Variants in PCDHGB7 observed in about 807,000 individuals in gnomAD.
PCDHGB7 encodes the protein protocadherin gamma-B7.
PCDHGB7 carries 37 observed loss-of-function variants against 61.4 expected under a neutral mutation model. The ratio of observed to expected loss-of-function variants is 0.60; its 90% CI spans 0.46 to 0.79. PCDHGB7 has a LOEUF of 0.79. PCDHGB7 is among the 30% of genes least tolerant of loss of function. The pLI is 0.00. For synonymous variants in PCDHGB7, 464 were observed against 503.5 expected (o/e 0.92, Z 1.05); for missense variants, 1,166 against 1,202.5 (o/e 0.97, Z 0.45).
At chr5:141,440,431 A>G (rs1338519888) in intron 1 of PCDHGB7, 1 of 152,222 alleles carries the variant, frequency 6.6e-6, no homozygotes, top group Non-Finnish European at 1.5e-5. Flanking sequence ...TGGGTGACAG[A>G]GCAAGGCGCC....
chr5:141,454,669 AC>A (rs1292139052), intron 1 of PCDHGB7, among the ~76,000 whole-genome samples: 1 of 151,212 alleles, frequency 6.6e-6, no homozygotes, highest in African/African-American at 2.4e-5. Context: ...GCCTCCCAAA[AC>A]ACTGGGATTA....
At chr5:141,454,311 T>G (rs755771201) in intron 1 of PCDHGB7, among the ~76,000 whole-genome samples, 6 of 152,216 alleles carry the variant, frequency 3.9e-5, no homozygotes, top group Admixed American at 2.6e-4. Context: ...TTTCAAAGCA[T>G]TGAAACCTCC....
intron 1 of PCDHGB7, chr5:141,422,019 G>C: frequency 6.2e-7 from 1 of 1,610,862 alleles, no homozygotes; most frequent in Non-Finnish European, 8.5e-7. Context: ...GGGTGCTGAT[G>C]GTTAATGCAA....
intron 1 of PCDHGB7, among the ~76,000 whole-genome samples, chr5:141,462,829 G>T (rs770335372): frequency 4.6e-5 from 7 of 152,130 alleles, no homozygotes; most frequent in Non-Finnish European, 8.8e-5. Flanking sequence ...AGCAGACATT[G>T]TAAATGTTAT....
chr5:141,433,221 A>G, intron 1 of PCDHGB7: 1 of 1,475,672 alleles, frequency 6.8e-7, no homozygotes, highest in African/African-American at 1.4e-5. Context: ...TTTTTTTTTT[A>G]ATTGCTCTGT....
At chr5:141,501,329 ACACACC>A (rs1456568693) in intron 2 of PCDHGB7, among the ~76,000 whole-genome samples, 16 of 148,226 alleles carry the variant, frequency 1.1e-4, no homozygotes, top group Non-Finnish European at 2.2e-4. Context: ...ACACACACAC[ACACACC>A]CCAAACTCAA....
Position 141,487,125 on chromosome 5 carries a change from G to A in PCDHGB7, c.2416-7682G>A. 6.2e-7 allele frequency: 1 copy of A among 1,614,112 alleles called. No homozygotes were observed. The highest frequency in any genetic ancestry group is 8.5e-7 in the Non-Finnish European group (1 of 1,179,994). The stretch of plus-strand genomic sequence containing the variant: ...CTGGTCATTGTGGTAAAGGATAGTG[G>A]TAGTCCACCACTCTCTACCTCTGTT... On this transcript the variant is annotated intron_variant, in intron 1 of 3. Coordinates refer to ENST00000398594, the MANE Select transcript of PCDHGB7 (RefSeq NM_018927.4). This position sits in a 1 kb window ranked among gnomAD's most constrained non-coding sequence, Gnocchi z 5.0.
intron 2 of PCDHGB7, among the ~76,000 whole-genome samples, chr5:141,502,478 A>G (rs2099814452): frequency 6.6e-6 from 1 of 150,896 alleles, no homozygotes; most frequent in Non-Finnish European, 1.5e-5. Flanking sequence ...CCGCAGCATC[A>G]CACTGGGACT....
intron 1 of PCDHGB7, chr5:141,422,081 T>C: frequency 2.5e-6 from 4 of 1,612,346 alleles, no homozygotes; most frequent in Non-Finnish European, 3.4e-6. Context: ...TTTCGGAACA[T>C]GGAAAGCAAG....
intron 3 of PCDHGB7, chr5:141,508,275 T>G (rs1030431371): frequency 6.6e-6 from 1 of 152,138 alleles, no homozygotes. Context: ...ATCCCGGTCC[T>G]TGACCAAGGT....
intron 1 of PCDHGB7, among the ~76,000 whole-genome samples, chr5:141,434,221 G>T (rs760622311): frequency 6.6e-6 from 1 of 152,206 alleles, no homozygotes; most frequent in Admixed American, 6.5e-5. Flanking sequence ...TGTAAACAAA[G>T]TACGATTTCT....
chr5:141,479,813 T>G (rs543146395), intron 1 of PCDHGB7, among the ~76,000 whole-genome samples: 1 of 152,318 alleles, frequency 6.6e-6, no homozygotes, highest in South Asian at 2.1e-4. Flanking sequence ...TATGCAAGGA[T>G]ACTATCCAAG....
At chr5:141,456,149 G>A (rs377506220) in intron 1 of PCDHGB7, among the ~76,000 whole-genome samples, 1 of 151,866 alleles carries the variant, frequency 6.6e-6, no homozygotes, top group East Asian at 1.9e-4. Flanking sequence ...CGCCCGCCTC[G>A]GCCTCCTAAA....
At chr5:141,446,221 T>C (rs2098493855) in intron 1 of PCDHGB7, among the ~76,000 whole-genome samples, 1 of 152,164 alleles carries the variant, frequency 6.6e-6, no homozygotes, top group African/African-American at 2.4e-5. Flanking sequence ...AATATTGTTG[T>C]GTTGCCTGGC....
Position 141,420,275 on chromosome 5 carries a change from G to A in PCDHGB7, c.2415+1G>A. On this transcript the variant is annotated splice_donor_variant, in intron 1 of 3. Transcript: ENST00000398594. LOFTEE classifies it high-confidence loss of function. ...AGCAGATAAGAAGATTCTTAAACAG[G>A]TAAGTATTTAAAAATGTATTTAATC... 2 of 1,524,576 alleles carry A rather than the reference G, an allele frequency of 1.3e-6. No homozygotes were observed. The highest frequency in any genetic ancestry group is 1.8e-6 in the Non-Finnish European group (2 of 1,129,234). 94.4% of individuals were successfully genotyped at this position (1,524,576 alleles called of 1,614,324 possible).
chr5:141,491,795 C>G lies in PCDHGB7; in HGVS notation c.2416-3012C>G. The G allele has an allele frequency of 6.6e-7, 1 of 1,511,694 alleles. No individual in the cohort carries two copies. The highest frequency in any genetic ancestry group is 8.8e-7 in the Non-Finnish European group (1 of 1,130,430). The allele number at this position is 1,511,694 out of a possible 1,614,324, so 93.6% of individuals were successfully genotyped here. On this transcript the variant is annotated intron_variant, in intron 1 of 3. Transcript: ENST00000398594. The surrounding 1 kb of genome is among the most constrained non-coding windows in gnomAD (Gnocchi z 6.9). ...GGATTGAACTTGCATCCACTCCTCT[C>G]CGGCCGGCTTGGTCGCTGGCTGCGC...
chr5:141,489,159 T>G lies in PCDHGB7; in HGVS notation c.2416-5648T>G. On this transcript the variant is annotated intron_variant, in intron 1 of 3. Transcript: ENST00000398594. This position sits in a 1 kb window ranked among gnomAD's most constrained non-coding sequence, Gnocchi z 4.5. ...AGGCTGGAAGGAGACATAAGAGACT[T>G]CAGCTGCTGCATTCCAAGCCCTGGG... is the stretch of plus-strand genomic sequence containing the variant. 2 of 1,023,152 alleles carry G rather than the reference T, an allele frequency of 2.0e-6. No individual in the cohort carries two copies. Among genetic ancestry groups the G allele is most frequent in the Non-Finnish European group, 2.9e-6 (2 of 697,120 alleles). The allele number at this position is 1,023,152 out of a possible 1,614,324, so 63.4% of individuals were successfully genotyped here. A position where few individuals can be genotyped will look rare whatever the true frequency, so the allele number is the denominator to read the frequency against.
Position 141,419,996 on chromosome 5 carries a change from C to G in PCDHGB7, c.2137C>G (p.Leu713Val). Residue 713 changes from leucine to valine, a missense_variant, in exon 1 of 4, where the codon CTA becomes GTA. Leu to Val is a conservative substitution (Grantham distance 32, BLOSUM62 1). Coordinates refer to ENST00000398594, the MANE Select transcript of PCDHGB7 (RefSeq NM_018927.4). The stretch of plus-strand genomic sequence containing the variant: ...CCTCGCGGTGATTCTAGCTATTGCT[C>G]TACGCCTGCGACAGTCTTTCAGCCC... ...FLLAVILAIA[L>V]RLRQSFSPTA... 6.2e-7 allele frequency: 1 copy of G among 1,614,084 alleles called. No individual in the cohort carries two copies. The highest frequency in any genetic ancestry group is 8.5e-7 in the Non-Finnish European group (1 of 1,179,904).
intron 1 of PCDHGB7, among the ~76,000 whole-genome samples, chr5:141,464,022 TG>T (rs948245337): frequency 1.3e-5 from 2 of 151,716 alleles, no homozygotes; most frequent in African/African-American, 4.8e-5. Context: ...TCCCACACTT[TG>T]GGAGGCCAAG....
Sources: allele counts gnomAD v4.1 joint callset (sites outside exome capture counted in the v4.1 genomes callset), GRCh38; gene constraint gnomAD v4.1.1; non-coding constraint Gnocchi (gnomAD v3.1); transcripts MANE v1.5; gene names NCBI Gene and HGNC (gene_info 2026-07-23, HGNC 2026-07-21).